ATP8A2: variants seen among roughly 807,000 people sequenced by gnomAD.
ATP8A2 encodes phospholipid-transporting ATPase IB.
Under a neutral mutation model 165.6 loss-of-function variants are expected in ATP8A2, and 100 were observed. That is an observed-to-expected ratio of 0.60 (90% CI 0.51 to 0.71). The LOEUF is 0.71. Ranked by LOEUF, ATP8A2 falls within the 30% of genes least tolerant of loss-of-function variation. The pLI is 0.00. For synonymous variants in ATP8A2, 543 were observed against 548.8 expected (o/e 0.99, Z 0.15); for missense variants, 1,227 against 1,479.5 (o/e 0.83, Z 2.80).
At chr13:25,635,985 A>G (rs1408113629) in intron 24 of ATP8A2, among the ~76,000 whole-genome samples, 1 of 152,082 alleles carries the variant, frequency 6.6e-6, no homozygotes, top group Non-Finnish European at 1.5e-5. Flanking sequence ...TCAAGTCCAG[A>G]TTTGCATGCC....
chr13:25,592,762 T>G (rs1187414428), intron 24 of ATP8A2, among the ~76,000 whole-genome samples: 2 of 152,330 alleles, frequency 1.3e-5, no homozygotes, highest in Non-Finnish European at 2.9e-5. Flanking sequence ...GAACTTTAAC[T>G]CTACATACAC....
At chr13:25,882,264 C>T (rs1953002804) in intron 33 of ATP8A2, among the ~76,000 whole-genome samples, 1 of 152,130 alleles carries the variant, frequency 6.6e-6, no homozygotes, top group South Asian at 2.1e-4. Context: ...AGTGCCAAAC[C>T]AAGTGGAACT....
chr13:25,992,837 C>A (rs1352907302), intron 35 of ATP8A2, among the ~76,000 whole-genome samples: 42 of 151,558 alleles, frequency 2.8e-4, no homozygotes, highest in South Asian at 2.7e-3. Flanking sequence ...ATCCCTCCCC[C>A]CTTCCCCCAC....
At chr13:25,704,353 T>TTTTTTTTTTG (rs2043012309) in intron 25 of ATP8A2, among the ~76,000 whole-genome samples, 1 of 151,454 alleles carries the variant, frequency 6.6e-6, no homozygotes, top group Admixed American at 6.6e-5. Context: ...TTTTTTTTTT[T>TTTTTTTTTTG]GAGGCAGTCT....
chr13:25,372,409 C>A lies in ATP8A2; in HGVS notation c.76+121C>A. The A allele has an allele frequency of 1.5e-6, 1 of 681,408 alleles. No homozygotes were observed. The highest frequency in any genetic ancestry group is 2.1e-6 in the Non-Finnish European group (1 of 479,172). The allele number at this position is 681,408 out of a possible 1,614,324, so 42.2% of individuals were successfully genotyped here. A position where few individuals can be genotyped will look rare whatever the true frequency, so the allele number is the denominator to read the frequency against. ...CGCTCCCCTCCCTGGGCTCCCTGGGCTCTCTGGGCTGCAGGATCCGCCGAC... is the reference window on the plus strand; with the variant it reads ...CGCTCCCCTCCCTGGGCTCCCTGGGATCTCTGGGCTGCAGGATCCGCCGAC... On this transcript the variant is annotated intron_variant, in intron 1 of 36. Coordinates refer to ENST00000381655, the MANE Select transcript of ATP8A2 (RefSeq NM_016529.6). This position sits in a 1 kb window ranked among gnomAD's most constrained non-coding sequence, Gnocchi z 4.8.
chr13:25,600,340 G>A (rs1474791012), intron 24 of ATP8A2, among the ~76,000 whole-genome samples: 1 of 152,172 alleles, frequency 6.6e-6, no homozygotes, highest in Non-Finnish European at 1.5e-5. Flanking sequence ...GCAGGGCCTA[G>A]AGCCACCTGT....
At chr13:25,515,052 C>T (rs1193021837) in intron 2 of ATP8A2, among the ~76,000 whole-genome samples, 2 of 152,296 alleles carry the variant, frequency 1.3e-5, no homozygotes, top group South Asian at 2.1e-4. Flanking sequence ...CTAGTGTGGG[C>T]GGCCCCATCA....
intron 33 of ATP8A2, among the ~76,000 whole-genome samples, chr13:25,906,572 C>T (rs1307808274): frequency 6.6e-6 from 1 of 152,036 alleles, no homozygotes. Context: ...GAAACGCTCC[C>T]CCGCCTTCTC....
intron 36 of ATP8A2, among the ~76,000 whole-genome samples, chr13:26,013,441 G>T (rs1465729792): frequency 6.6e-6 from 1 of 152,220 alleles, no homozygotes; most frequent in Non-Finnish European, 1.5e-5. Flanking sequence ...TTCGGAGGCT[G>T]AGGTGAGTGG....
chr13:25,648,270 A>G (rs2041727095), intron 24 of ATP8A2, among the ~76,000 whole-genome samples: 1 of 152,156 alleles, frequency 6.6e-6, no homozygotes, highest in African/African-American at 2.4e-5. Flanking sequence ...TTTACAAAAA[A>G]TTGTTTCCAT....
intron 30 of ATP8A2, among the ~76,000 whole-genome samples, chr13:25,852,895 A>G (rs767715188): frequency 6.7e-6 from 1 of 149,902 alleles, no homozygotes. Context: ...CAAGAGAGAA[A>G]CTCAGTCTCA....
At chr13:25,571,798 T>A in intron 18 of ATP8A2, 106 bp downstream of exon 18, 1 of 1,039,680 alleles carries the variant, frequency 9.6e-7, no homozygotes, top group Non-Finnish European at 1.5e-6. Flanking sequence ...TCTCTTTCAG[T>A]GAAAAATTAA....
At chr13:25,869,367 A>G (rs548705580) in intron 33 of ATP8A2, among the ~76,000 whole-genome samples, 1 of 152,304 alleles carries the variant, frequency 6.6e-6, no homozygotes, top group South Asian at 2.1e-4. Flanking sequence ...GGTGATGGGA[A>G]CAGAACTCCC....
intron 27 of ATP8A2, among the ~76,000 whole-genome samples, chr13:25,808,061 A>G (rs1288866296): frequency 6.6e-6 from 1 of 152,150 alleles, no homozygotes; most frequent in Non-Finnish European, 1.5e-5. Context: ...TAAAGACAAG[A>G]AAGAGAGCAT....
intron 6 of ATP8A2, among the ~76,000 whole-genome samples, chr13:25,535,014 G>C (rs573958038): frequency 6.6e-6 from 1 of 152,336 alleles, no homozygotes; most frequent in East Asian, 1.9e-4. Flanking sequence ...CAGTTGCTGA[G>C]CTCTGTGTAG....
At chr13:25,783,030 C>G (rs1283842589) in intron 27 of ATP8A2, among the ~76,000 whole-genome samples, 2 of 151,148 alleles carry the variant, frequency 1.3e-5, no homozygotes, top group Non-Finnish European at 2.9e-5. Context: ...CGTTAGCCAC[C>G]TCTTCTGGCC....
intron 1 of ATP8A2, among the ~76,000 whole-genome samples, chr13:25,414,684 G>T (rs1016589748): frequency 1.3e-5 from 2 of 152,178 alleles, no homozygotes; most frequent in Non-Finnish European, 2.9e-5. Context: ...TTCAACTGAG[G>T]TTTCTTAAAT....
At chr13:25,458,101 C>T (rs903206274) in intron 1 of ATP8A2, among the ~76,000 whole-genome samples, 1 of 152,120 alleles carries the variant, frequency 6.6e-6, no homozygotes, top group African/African-American at 2.4e-5. Context: ...TGTTGACTTC[C>T]GTCTGCTTGG....
chr13:25,463,050 C>G (rs1426910038), intron 1 of ATP8A2, among the ~76,000 whole-genome samples: 8 of 150,274 alleles, frequency 5.3e-5, no homozygotes, highest in African/African-American at 2.0e-4. Context: ...GCCTGTGTGA[C>G]TGGCGTTGGG....
Sources: gnomAD v4.1 joint callset for allele counts (sites outside exome capture counted in the v4.1 genomes callset) on GRCh38, gnomAD v4.1.1 for gene constraint, Gnocchi (gnomAD v3.1) non-coding constraint, MANE v1.5 for transcripts, NCBI Gene and HGNC (gene_info 2026-07-23, HGNC 2026-07-21) for gene names.